DHX8: variants seen among roughly 807,000 people sequenced by gnomAD.
DHX8 encodes DEAH-box helicase 8.
DHX8 carries 67 observed loss-of-function variants against 140.7 expected under a neutral mutation model. The ratio of observed to expected loss-of-function variants is 0.48; its 90% CI spans 0.39 to 0.58. The LOEUF (loss-of-function observed/expected upper bound fraction) is 0.58. Ranked by LOEUF, DHX8 falls within the 20% of genes least tolerant of loss-of-function variation. The probability of loss-of-function intolerance (pLI) is 0.00; values close to 1 mark genes in which losing one functional copy is unlikely to be tolerated. For missense variants in DHX8, 887 were observed against 1,550.7 expected (o/e 0.57, Z 7.19); for synonymous variants, 533 against 553.2 (o/e 0.96, Z 0.51).
chr17:43,529,889 A>G (rs144916436), downstream of DHX8: 164 of 1,614,024 alleles, frequency 1.0e-4, no homozygotes, highest in Non-Finnish European at 1.3e-4. Flanking sequence ...CTGACCTTCA[A>G]ATTTCTCAGG....
chr17:43,497,162 A>G (rs1968909766), intron 9 of DHX8, among the ~76,000 whole-genome samples: 1 of 152,218 alleles, frequency 6.6e-6, no homozygotes, highest in South Asian at 2.1e-4. Flanking sequence ...CCATCTACGT[A>G]TCTATCCCTA....
chr17:43,513,523 A>G (rs775243299), intron 17 of DHX8, 21 bp downstream of exon 17: 3 of 1,610,624 alleles, frequency 1.9e-6, no homozygotes, highest in East Asian at 2.2e-5. Context: ...TTGTATCAAC[A>G]GTTTTCCTGA....
chr17:43,512,708 GC>G (rs1197779285), intron 16 of DHX8, among the ~76,000 whole-genome samples: 3 of 152,132 alleles, frequency 2.0e-5, no homozygotes, highest in Non-Finnish European at 2.9e-5. Context: ...ATATTCCGGT[GC>G]CCCCAGTGAT....
chr17:43,496,721 C>A (rs572522052), intron 9 of DHX8, among the ~76,000 whole-genome samples: 1 of 151,416 alleles, frequency 6.6e-6, no homozygotes, highest in Admixed American at 6.6e-5. Flanking sequence ...CGGAGGTTGC[C>A]GTGAGCCGAG....
chr17:43,543,894 AG>A (rs1971657333), intron 3 of DHX8: 2 of 152,180 alleles, frequency 1.3e-5, no homozygotes, highest in African/African-American at 4.8e-5. Flanking sequence ...TCTCACTCCA[AG>A]GATCTAGTCA....
Position 43,520,326 on chromosome 17 carries a change from A to T in DHX8, c.2937+59A>T, listed in dbSNP as rs1970315822. On this transcript the variant is annotated intron_variant, in intron 19 of 22. Transcript: ENST00000262415. Reference sequence around the variant, plus strand: ...GAAGATTCCCTGGTCAGCCTTTCACATCCTTCGGTCTGTACAAAATCAGGC... The same window carrying T: ...GAAGATTCCCTGGTCAGCCTTTCACTTCCTTCGGTCTGTACAAAATCAGGC... 2.5e-6 allele frequency: 4 copies of T among 1,596,124 alleles called. No individual in the cohort carries two copies. In the South Asian group the frequency reaches 3.4e-5, roughly 13 times the overall value.
chr17:43,529,870 G>C (rs1238637859), downstream of DHX8: 1 of 1,613,870 alleles, frequency 6.2e-7, no homozygotes, highest in African/African-American at 1.3e-5. Context: ...CCCATCAACA[G>C]TCACTTCTCT....
chr17:43,492,952 C>A lies in DHX8; in HGVS notation c.775C>A (p.Pro259Thr). 3 of 1,614,188 alleles carry A rather than the reference C, an allele frequency of 1.9e-6. No homozygotes were observed. Among genetic ancestry groups the A allele is most frequent in the Non-Finnish European group, 2.5e-6 (3 of 1,180,028 alleles). The change falls in exon 6 of 23, where the codon CCA becomes ACA. Residue 259 changes from proline (P) to threonine (T), a missense_variant. By Grantham distance (38) the Pro-to-Thr change is conservative. Coordinates refer to ENST00000262415, the MANE Select transcript of DHX8 (RefSeq NM_004941.3). ...GGATAAGCATGTGGACCGCCCTCCT[C>A]CAGAAGAGCCCACCATTGGTGACAT... Reference protein sequence around the residue: ...WRDKHVDRPPPEEPTIGDIYN... With the variant: ...WRDKHVDRPPTEEPTIGDIYN...
intron 2 of DHX8, among the ~76,000 whole-genome samples, chr17:43,533,506 C>T (rs544049545): frequency 6.6e-6 from 1 of 152,170 alleles, no homozygotes; most frequent in African/African-American, 2.4e-5. Flanking sequence ...TCAGCCCTAG[C>T]CAATTCTTTT....
downstream of DHX8, chr17:43,528,757 G>A (rs1418190997): frequency 1.2e-6 from 2 of 1,611,452 alleles, no homozygotes; most frequent in African/African-American, 2.7e-5. Flanking sequence ...TGGGGAGAGA[G>A]AAGGTCTGGT....
chr17:43,506,614 A>AG (rs1360009947), intron 12 of DHX8, among the ~76,000 whole-genome samples: 2 of 150,038 alleles, frequency 1.3e-5, no homozygotes, highest in African/African-American at 4.9e-5. Context: ...GTGAGACTTC[A>AG]TCTCAAAAAA....
downstream of DHX8, chr17:43,528,443 G>T: frequency 2.9e-6 from 3 of 1,044,196 alleles, no homozygotes; most frequent in Non-Finnish European, 4.2e-6. Context: ...TCAGATGAAG[G>T]TTTCCCCAAC....
downstream of DHX8, chr17:43,529,568 G>A (rs762134193): frequency 1.1e-5 from 17 of 1,614,000 alleles, no homozygotes; most frequent in South Asian, 1.9e-4. Context: ...ATGGGCATTT[G>A]TTGGGTCATC....
At position 43,524,759 on chromosome 17, in the gene DHX8, T is replaced by C. The variant is rs1445971511; in HGVS notation, c.*912T>C. 1 of 985,350 alleles carries C rather than the reference T, an allele frequency of 1.0e-6. No individual in the cohort carries two copies. The highest frequency in any genetic ancestry group is 1.7e-5 in the African/African-American group (1 of 57,252). The allele number at this position is 985,350 out of a possible 1,614,324, so 61.0% of individuals were successfully genotyped here. ...TATTTTTTTCCCCTGAGGTCCTGGA[T>C]GGACTTTAACAAAGGGATTTTATGG... is the stretch of plus-strand genomic sequence containing the variant. On this transcript the variant is annotated 3_prime_UTR_variant, in exon 23 of 23. Coordinates refer to ENST00000262415, the MANE Select transcript of DHX8 (RefSeq NM_004941.3).
At chr17:43,535,909 G>A (rs183160022) in intron 2 of DHX8, among the ~76,000 whole-genome samples, 31 of 152,280 alleles carry the variant, frequency 2.0e-4, no homozygotes, top group Admixed American at 9.1e-4. Flanking sequence ...TCAGGAATTC[G>A]AGACCATCCT....
intron 17 of DHX8, among the ~76,000 whole-genome samples, chr17:43,515,208 A>T (rs1970044659): frequency 6.6e-6 from 1 of 152,144 alleles, no homozygotes; most frequent in Non-Finnish European, 1.5e-5. Context: ...TTGTTTTTTG[A>T]GATGGGGCCT....
At chr17:43,528,083 C>G, downstream of DHX8, 1 of 235,918 alleles carries the variant, frequency 4.2e-6, no homozygotes, top group Non-Finnish European at 8.3e-6. Context: ...AGGGCCACAG[C>G]GTGGGGCAGA....
At chr17:43,486,457 T>G (rs1404028062) in intron 1 of DHX8, among the ~76,000 whole-genome samples, 1 of 152,252 alleles carries the variant, frequency 6.6e-6, no homozygotes, top group Non-Finnish European at 1.5e-5. Flanking sequence ...ACTGTAATAC[T>G]GGATTATCAT....
At chr17:43,506,417 G>A (rs188165960) in intron 12 of DHX8, among the ~76,000 whole-genome samples, 84 of 151,772 alleles carry the variant, frequency 5.5e-4, no homozygotes, top group Middle Eastern at 6.8e-3. Flanking sequence ...TCAGGAGTTC[G>A]AGACCAGCCT....
Sources: allele counts gnomAD v4.1 joint callset (sites outside exome capture counted in the v4.1 genomes callset), GRCh38; gene constraint gnomAD v4.1.1; transcripts MANE v1.5; gene names NCBI Gene and HGNC (gene_info 2026-07-23, HGNC 2026-07-21).